The following CENPF variants were observed in gnomAD, a reference collection of about 807,000 sequenced individuals.
CENPF encodes AH antigen.
A neutral mutation model predicts 307.3 loss-of-function variants in CENPF; 214 were observed. That is an observed-to-expected ratio of 0.70 (90% CI 0.62 to 0.78). The LOEUF (loss-of-function observed/expected upper bound fraction) is 0.78, where lower values mean the gene tolerates loss of function less well. CENPF is among the 30% of genes least tolerant of loss of function. CENPF has a pLI of 0.00. For synonymous variants in CENPF, 1,259 were observed against 1,270.6 expected (o/e 0.99, Z 0.19); for missense variants, 3,401 against 3,483.9 (o/e 0.98, Z 0.60).
chr1:214,618,583 G>A lies in CENPF; in HGVS notation c.370G>A (p.Glu124Lys), dbSNP rs768512814. The change falls in exon 4 of 20, where the codon GAG becomes AAG. Residue 124 changes from glutamate (E) to lysine (K), a missense_variant. Physicochemically the swap from Glu to Lys is moderately conservative, Grantham distance 56. Coordinates refer to ENST00000366955, the MANE Select transcript of CENPF (RefSeq NM_016343.4). ...LEQELKRCKSELERSQQAAQS... is the reference protein window; with the variant it reads ...LEQELKRCKSKLERSQQAAQS... The stretch of plus-strand genomic sequence containing the variant: ...GTCCTTTTCTAACAGGTGTAAATCT[G>A]AGCTTGAAAGAAGCCAACAAGCTGC... The A allele has an allele frequency of 8.7e-6, 14 of 1,613,838 alleles. No homozygotes were observed. The Admixed American group carries it at 2.3e-4, about 27-fold the overall frequency.
chr1:214,657,106 C>T lies in CENPF; in HGVS notation c.8659C>T (p.His2887Tyr). ...AGAGATGTTAGAGACACAAGTGGCC[C>T]ATCTGTGTTCACAGCAATCTAAACA... The part of the protein sequence containing the change: ...AKEMLETQVA[H>Y]LCSQQSKQDS... The change falls in exon 18 of 20, where the codon CAT becomes TAT. Residue 2887 changes from histidine (H) to tyrosine (Y), a missense_variant. By Grantham distance (83) the His-to-Tyr change is moderately conservative (BLOSUM62 2). Transcript: ENST00000366955. The T allele has an allele frequency of 6.2e-7, 1 of 1,614,152 alleles. No individual in the cohort carries two copies. Among genetic ancestry groups the T allele is most frequent in the Non-Finnish European group, 8.5e-7 (1 of 1,180,014 alleles).
Position 214,608,851 on chromosome 1 carries a change from G to T in CENPF, c.-41-4863G>T. On this transcript the variant is annotated intron_variant, in intron 1 of 19. Coordinates refer to ENST00000366955, the MANE Select transcript of CENPF (RefSeq NM_016343.4). ...CGACAGCCCGTTCATGGCGGGCGCC[G>T]CCCGGGCCAGGCCCCCACCGGGGCC... The T allele has an allele frequency of 7.1e-6, 11 of 1,548,312 alleles. No homozygotes were observed. In the South Asian group the frequency reaches 1.2e-4, roughly 16 times the overall value.
chr1:214,626,839 T>C (rs1657668167), intron 7 of CENPF, among the ~76,000 whole-genome samples: 1 of 152,218 alleles, frequency 6.6e-6, no homozygotes, highest in Non-Finnish European at 1.5e-5. Context: ...TCCTAGTTAA[T>C]TAAGCTAATT....
intron 9 of CENPF, among the ~76,000 whole-genome samples, chr1:214,631,942 A>T (rs1489376193): frequency 6.6e-6 from 1 of 152,224 alleles, no homozygotes; most frequent in Admixed American, 6.5e-5. Context: ...ATTGTTGCTA[A>T]TCAAGGAGTG....
intron 3 of CENPF, 121 bp downstream of exon 3, chr1:214,615,149 T>A: frequency 1.7e-6 from 1 of 593,280 alleles, no homozygotes; most frequent in Non-Finnish European, 2.9e-6. Flanking sequence ...GTAGAATAAG[T>A]AATGATTCGG....
chr1:214,642,176 T>C lies in CENPF; in HGVS notation c.3838T>C (p.Ser1280Pro). 1 of 1,614,124 alleles carries C rather than the reference T, an allele frequency of 6.2e-7. No individual in the cohort carries two copies. The highest frequency in any genetic ancestry group is 8.5e-7 in the Non-Finnish European group (1 of 1,180,012). ...EKYISGPHEL[S>P]TSQNDNAHLQ... ...GTATATTTCAGGGCCTCATGAGTTG[T>C]CAACAAGTCAAAACGACAATGCACA... is the stretch of plus-strand genomic sequence containing the variant. Residue 1280 changes from serine to proline, a missense_variant, in exon 12 of 20, where the codon TCA (serine) becomes CCA (proline). Transcript: ENST00000366955.
intron 9 of CENPF, 55 bp downstream of exon 9, chr1:214,630,717 T>G: frequency 6.3e-7 from 1 of 1,585,008 alleles, no homozygotes; most frequent in Non-Finnish European, 8.6e-7. Context: ...TTCCTTGTAC[T>G]TGTTACTTCT....
rs1558186303 is a variant in CENPF at position 214,645,810 on chromosome 1, T to A, written c.6240T>A (p.Ser2080Arg). Residue 2080 changes from serine to arginine, a missense_variant, in exon 13 of 20, where the codon AGT (serine) becomes AGA (arginine). Transcript: ENST00000366955. ...KESESLQARL[S>R]ESDYEKLNVS... is the part of the protein sequence containing the mutation. ...CTGAAAGCCTGCAGGCCAGACTGAG[T>A]GAATCAGATTATGAAAAGCTGAATG... 2 of 1,613,976 alleles carry A rather than the reference T, an allele frequency of 1.2e-6. No homozygotes were observed. Among genetic ancestry groups the A allele is most frequent in the Non-Finnish European group, 1.7e-6 (2 of 1,179,982 alleles).
chr1:214,627,971 G>T (rs1236921922), intron 7 of CENPF, among the ~76,000 whole-genome samples: 3 of 152,190 alleles, frequency 2.0e-5, no homozygotes, highest in African/African-American at 7.2e-5. Flanking sequence ...TTTACAAGTT[G>T]TGAGATACAA....
Position 214,645,852 on chromosome 1 carries a change from G to T in CENPF, c.6282G>T (p.Glu2094Asp). 1 of 1,614,178 alleles carries T rather than the reference G, an allele frequency of 6.2e-7. No homozygotes were observed. The highest frequency in any genetic ancestry group is 1.1e-5 in the South Asian group (1 of 91,084). ...AGCTGAATGTCTCCAAGGCCTTGGA[G>T]GCCGCACTGGTGGAGAAAGGTGAGT... is the stretch of plus-strand genomic sequence containing the variant. ...YEKLNVSKAL[E>D]AALVEKGEFA... Residue 2094 changes from glutamate (E) to aspartate (D), a missense_variant, in exon 13 of 20, where the codon GAG (glutamate) becomes GAT (aspartate). By Grantham distance (45) the Glu-to-Asp change is conservative (BLOSUM62 2). Coordinates refer to ENST00000366955, the MANE Select transcript of CENPF (RefSeq NM_016343.4).
rs776309070 is a variant in CENPF, at chr1:214,648,820, G to A, written c.7976G>A (p.Ser2659Asn). The stretch of plus-strand genomic sequence containing the variant: ...CAGTTACTGTTGGAAGAAATAAAGA[G>A]CAGCAAAGTAAGTTTCTTTGTGACA... Reference protein sequence around the residue: ...ELQLLLEEIKSSKDQLKELTL... With the variant: ...ELQLLLEEIKNSKDQLKELTL... The change falls in exon 14 of 20, where the codon AGC (serine) becomes AAC (asparagine). Residue 2659 changes from serine to asparagine, a missense_variant. By Grantham distance (46) the Ser-to-Asn change is conservative. Transcript: ENST00000366955. 2.5e-6 allele frequency: 4 copies of A among 1,613,160 alleles called. No individual in the cohort carries two copies. The highest frequency in any genetic ancestry group is 1.7e-5 in the Admixed American group (1 of 59,886).
At chr1:214,647,885 T>C (rs1189970397) in intron 13 of CENPF, 1 of 398,720 alleles carries the variant, frequency 2.5e-6, no homozygotes, top group Non-Finnish European at 5.1e-6. Context: ...AGAGCACTCA[T>C]GGCTTCTAGG....
chr1:214,626,338 A>T (rs557720343), intron 7 of CENPF, among the ~76,000 whole-genome samples: 13 of 152,190 alleles, frequency 8.5e-5, no homozygotes, highest in African/African-American at 3.1e-4. Context: ...TTTTACTATA[A>T]TGTCCAGGGT....
chr1:214,606,162 C>G (rs1657024509), intron 1 of CENPF: 1 of 1,343,288 alleles, frequency 7.4e-7, no homozygotes, highest in Non-Finnish European at 1.0e-6. Context: ...GGCCCAGCTC[C>G]GGATGCGACC....
chr1:214,623,173 T>C (rs1657563121), intron 7 of CENPF, among the ~76,000 whole-genome samples: 1 of 152,242 alleles, frequency 6.6e-6, no homozygotes, highest in Non-Finnish European at 1.5e-5. Context: ...ATTGTGCCAC[T>C]GCACTCCAGC....
At position 214,642,780 on chromosome 1, in the gene CENPF, T is replaced by C; in HGVS notation, c.4442T>C (p.Val1481Ala). The C allele has an allele frequency of 1.2e-6, 2 of 1,614,026 alleles. No individual in the cohort carries two copies. Among genetic ancestry groups the C allele is most frequent in the African/African-American group, 2.7e-5 (2 of 75,044 alleles). The change falls in exon 12 of 20, where the codon GTG (valine) becomes GCG (alanine). Residue 1481 changes from valine (V) to alanine (A), a missense_variant. Physicochemically the swap from Val to Ala is moderately conservative, Grantham distance 64. Transcript: ENST00000366955. ...GTTCCATCCCTGTCATCCTCTTGTG[T>C]GCCTGACAGCTCTAGTCTTAGCAGT... ...GLVPSLSSSCVPDSSSLSSLG... is the reference protein window; with the variant it reads ...GLVPSLSSSCAPDSSSLSSLG...
In CENPF at chr1:214,618,609, G is replaced by T. The variant is rs373652018; in HGVS notation, c.396G>T (p.Ala132=). 16 of 1,613,890 alleles carry T rather than the reference G, an allele frequency of 9.9e-6. No individual in the cohort carries two copies. The highest frequency in any genetic ancestry group is 1.7e-5 in the Admixed American group (1 of 59,978). ...AGCTTGAAAGAAGCCAACAAGCTGCGCAGTCTGCAGATGTCTCTCTGAATC... is the reference window on the plus strand; with the variant it reads ...AGCTTGAAAGAAGCCAACAAGCTGCTCAGTCTGCAGATGTCTCTCTGAATC... The part of the protein sequence containing the change: ...KSELERSQQA[A]QSADVSLNPC... The change falls in exon 4 of 20, where the codon GCG becomes GCT. Residue 132 remains alanine, a synonymous_variant. Coordinates refer to ENST00000366955, the MANE Select transcript of CENPF (RefSeq NM_016343.4).
At chr1:214,649,801 G>A (rs1179778398) in intron 14 of CENPF, among the ~76,000 whole-genome samples, 1 of 152,170 alleles carries the variant, frequency 6.6e-6, no homozygotes, top group Non-Finnish European at 1.5e-5. Context: ...TGTATTTTAT[G>A]TATGGGCACT....
intron 7 of CENPF, among the ~76,000 whole-genome samples, chr1:214,625,299 C>G (rs1657622726): frequency 6.6e-6 from 1 of 152,132 alleles, no homozygotes; most frequent in African/African-American, 2.4e-5. Context: ...ACTGCAATCT[C>G]TGCCTCCCAG....
Sources: allele counts gnomAD v4.1 joint callset (sites outside exome capture counted in the v4.1 genomes callset), GRCh38; gene constraint gnomAD v4.1.1; transcripts MANE v1.5; gene names NCBI Gene and HGNC (gene_info 2026-07-23, HGNC 2026-07-21).